The following SLC4A8 variants were observed in gnomAD, a reference collection of about 807,000 sequenced individuals.
The protein encoded by SLC4A8 is solute carrier family 4 member 8.
In SLC4A8, 40 loss-of-function variants were observed where a neutral mutation model predicts 125.0. The observed-to-expected ratio is 0.32, with a 90% CI of 0.25 to 0.42. The LOEUF (loss-of-function observed/expected upper bound fraction) is 0.42. SLC4A8 is among the 10% of genes least tolerant of loss of function. The probability of loss-of-function intolerance (pLI) is 1.00; values close to 1 mark genes in which losing one functional copy is unlikely to be tolerated. For synonymous variants in SLC4A8, 456 were observed against 476.0 expected (o/e 0.96, Z 0.55); for missense variants, 863 against 1,355.1 (o/e 0.64, Z 5.70).
chr12:51,426,941 C>CTT (rs555144134), intron 1 of SLC4A8, among the ~76,000 whole-genome samples: 6 of 131,354 alleles, frequency 4.6e-5, no homozygotes, highest in African/African-American at 5.7e-5. Context: ...TTTTTCTTTT[C>CTT]TTTTTTTTTT....
intron 17 of SLC4A8, among the ~76,000 whole-genome samples, chr12:51,487,231 G>C (rs1050593535): frequency 6.6e-6 from 1 of 152,090 alleles, no homozygotes; most frequent in Non-Finnish European, 1.5e-5. Context: ...TCTTCTTTTT[G>C]TCTCTCCCTA....
rs562796073 is a variant in SLC4A8, at chr12:51,457,064, T to C, written c.575-287T>C. 2.2e-3 allele frequency among the ~76,000 whole-genome samples: 336 copies of C among 152,344 alleles called. 2 individuals are homozygous for C. The highest frequency in any genetic ancestry group is 7.8e-3 in the African/African-American group (326 of 41,586). On this transcript the variant is annotated intron_variant, in intron 5 of 24. Coordinates refer to ENST00000453097, the MANE Select transcript of SLC4A8 (RefSeq NM_001039960.3). ...CTGCTAGATGTAAGACCTTGGAGAA[T>C]TTTCTAGCATTTGGGCCTTAATTTC...
At chr12:51,463,168 C>T (rs1192260047) in intron 10 of SLC4A8, among the ~76,000 whole-genome samples, 2 of 152,078 alleles carry the variant, frequency 1.3e-5, no homozygotes, top group African/African-American at 4.8e-5. Flanking sequence ...CAGCCAGGTG[C>T]TTTATATATG....
At position 51,452,127 on chromosome 12, in the gene SLC4A8, C is replaced by T; in HGVS notation, c.281C>T (p.Thr94Ile). The T allele has an allele frequency of 6.2e-7, 1 of 1,614,166 alleles. No individual in the cohort carries two copies. Among genetic ancestry groups the T allele is most frequent in the Non-Finnish European group, 8.5e-7 (1 of 1,180,014 alleles). The change falls in exon 4 of 25, where the codon ACA becomes ATA. Residue 94 changes from threonine (T) to isoleucine (I), a missense_variant. Physicochemically the swap from Thr to Ile is moderately conservative, Grantham distance 89. Around this residue, in one of 6 missense-constraint regions of SLC4A8, gnomAD observed 390 missense variants for 634.4 expected, o/e 0.61. Transcript: ENST00000453097. ...EEGLEALAHD[T>I]PSQRVQFILG... Reference sequence around the variant, plus strand: ...TTCTCTTTGGTTGATTTCCTAGACACACCATCTCAGCGTGTTCAGTTCATT... The same window carrying T: ...TTCTCTTTGGTTGATTTCCTAGACATACCATCTCAGCGTGTTCAGTTCATT...
intron 21 of SLC4A8, among the ~76,000 whole-genome samples, chr12:51,496,422 G>C (rs1951460889): frequency 6.6e-6 from 1 of 152,186 alleles, no homozygotes; most frequent in Non-Finnish European, 1.5e-5. Flanking sequence ...TCAGATTTTA[G>C]GCGAGTCACT....
At chr12:51,481,447 G>C (rs1368604823) in intron 16 of SLC4A8, among the ~76,000 whole-genome samples, 1 of 152,092 alleles carries the variant, frequency 6.6e-6, no homozygotes, top group Non-Finnish European at 1.5e-5. Flanking sequence ...AATTCAGCTA[G>C]AGTTATGATC....
intron 1 of SLC4A8, among the ~76,000 whole-genome samples, chr12:51,438,386 C>T: frequency 6.6e-6 from 1 of 152,172 alleles, no homozygotes; most frequent in East Asian, 1.9e-4. Flanking sequence ...CAGTGTTTAA[C>T]TTTCTGTTCC....
chr12:51,432,713 C>T (rs964840944), intron 1 of SLC4A8, among the ~76,000 whole-genome samples: 1 of 152,070 alleles, frequency 6.6e-6, no homozygotes, highest in African/African-American at 2.4e-5. Context: ...CAGAGCGAGA[C>T]TCTGTCTCAA....
chr12:51,396,151 G>T (rs1173724172), intron 1 of SLC4A8, among the ~76,000 whole-genome samples: 1 of 152,210 alleles, frequency 6.6e-6, no homozygotes, highest in East Asian at 1.9e-4. Context: ...CCAGCATCTG[G>T]TACACAATAA....
At chr12:51,444,985 G>C (rs1201415240) in intron 2 of SLC4A8, among the ~76,000 whole-genome samples, 1 of 152,130 alleles carries the variant, frequency 6.6e-6, no homozygotes, top group Non-Finnish European at 1.5e-5. Flanking sequence ...GTTCTAGCCT[G>C]GCTAGTAATC....
chr12:51,499,624 TAC>T (rs143239328), intron 22 of SLC4A8, among the ~76,000 whole-genome samples: 23,938 of 143,054 alleles, frequency 0.17, 2,300 homozygotes, highest in African/African-American at 0.29. Flanking sequence ...GCTATAATTC[TAC>T]ACACACACAC....
At chr12:51,468,995 C>G (rs1950611223) in intron 11 of SLC4A8, 1 of 152,744 alleles carries the variant, frequency 6.5e-6, no homozygotes, top group Non-Finnish European at 1.5e-5. Flanking sequence ...CCTCCCTGCT[C>G]TATGCCACCA....
chr12:51,455,712 G>C (rs907285039), intron 5 of SLC4A8, among the ~76,000 whole-genome samples: 12 of 152,192 alleles, frequency 7.9e-5, no homozygotes, highest in African/African-American at 2.7e-4. Flanking sequence ...AAGTCATTCT[G>C]TCTCTCTGGG....
chr12:51,502,499 A>C (rs907529309), intron 22 of SLC4A8: 2 of 149,066 alleles, frequency 1.3e-5, no homozygotes, highest in African/African-American at 5.0e-5. Context: ...GGCCTCCCAA[A>C]GTGCTGGGAT....
At chr12:51,487,839 C>A (rs1273594292) in intron 17 of SLC4A8, among the ~76,000 whole-genome samples, 4 of 152,232 alleles carry the variant, frequency 2.6e-5, no homozygotes, top group Non-Finnish European at 4.4e-5. Flanking sequence ...CCATTCAAAG[C>A]CCAAGAGATT....
intron 23 of SLC4A8, among the ~76,000 whole-genome samples, chr12:51,505,477 G>A (rs557636669): frequency 2.0e-5 from 3 of 152,358 alleles, no homozygotes; most frequent in South Asian, 2.1e-4. Flanking sequence ...TGCCTGGCAT[G>A]CAGCAAGTGC....
chr12:51,506,164 G>T (rs1487196560), intron 24 of SLC4A8, among the ~76,000 whole-genome samples: 1 of 152,194 alleles, frequency 6.6e-6, no homozygotes, highest in Non-Finnish European at 1.5e-5. Context: ...AGGTCAGGAA[G>T]GGATTATTTT....
intron 1 of SLC4A8, among the ~76,000 whole-genome samples, chr12:51,416,169 C>T (rs935552653): frequency 4.7e-5 from 7 of 150,220 alleles, no homozygotes; most frequent in Non-Finnish European, 8.8e-5. Context: ...CTAATTAGTA[C>T]CCACTGGCCT....
At chr12:51,489,127 A>G (rs1592265669) in intron 18 of SLC4A8, among the ~76,000 whole-genome samples, 1 of 152,280 alleles carries the variant, frequency 6.6e-6, no homozygotes, top group East Asian at 1.9e-4. Flanking sequence ...CTATATAGCT[A>G]TATGCTTTGG....
Sources: allele counts gnomAD v4.1 joint callset (sites outside exome capture counted in the v4.1 genomes callset), GRCh38; gene constraint gnomAD v4.1.1; regional missense constraint gnomAD v4.1.1; transcripts MANE v1.5; gene names NCBI Gene and HGNC (gene_info 2026-07-23, HGNC 2026-07-21).